Variants in TTC7B observed in about 807,000 individuals in gnomAD.
TTC7B encodes the protein tetratricopeptide repeat protein 7B.
A neutral mutation model predicts 106.8 loss-of-function variants in TTC7B; 28 were observed. The observed-to-expected ratio is 0.26, with a 90% confidence interval of 0.19 to 0.36. TTC7B has a LOEUF of 0.36. Ranked by LOEUF, TTC7B falls within the 10% of genes least tolerant of loss-of-function variation. TTC7B has a pLI of 1.00. For synonymous variants in TTC7B, 405 were observed against 430.6 expected (o/e 0.94, Z 0.74); for missense variants, 862 against 1,076.4 (o/e 0.80, Z 2.79).
intron 5 of TTC7B, among the ~76,000 whole-genome samples, chr14:90,708,701 T>C (rs1888313056): frequency 6.6e-6 from 1 of 152,224 alleles, no homozygotes; most frequent in Admixed American, 6.5e-5. Flanking sequence ...TAACACAACA[T>C]CCATTCTGTA....
intron 14 of TTC7B, among the ~76,000 whole-genome samples, chr14:90,645,697 C>A (rs1190719714): frequency 1.3e-5 from 2 of 152,274 alleles, no homozygotes; most frequent in Admixed American, 6.5e-5. Context: ...CAGGGATGAC[C>A]AGAGCAACCA....
chr14:90,695,147 TA>T (rs1482055984), intron 6 of TTC7B, among the ~76,000 whole-genome samples: 1 of 135,910 alleles, frequency 7.4e-6, no homozygotes, highest in Non-Finnish European at 1.5e-5. Flanking sequence ...TTATTTTATA[TA>T]AAATAAATAA....
At chr14:90,696,034 A>G (rs1180018864) in intron 5 of TTC7B, among the ~76,000 whole-genome samples, 1 of 152,158 alleles carries the variant, frequency 6.6e-6, no homozygotes, top group African/African-American at 2.4e-5. Flanking sequence ...AACTCCACCA[A>G]GCAACCACTC....
At chr14:90,710,215 T>C (rs1888393730) in intron 5 of TTC7B, among the ~76,000 whole-genome samples, 1 of 152,134 alleles carries the variant, frequency 6.6e-6, no homozygotes, top group Non-Finnish European at 1.5e-5. Context: ...GCTTCAAATC[T>C]TCAGTGGAGG....
intron 15 of TTC7B, among the ~76,000 whole-genome samples, chr14:90,626,549 G>A (rs1178860198): frequency 6.6e-6 from 1 of 152,208 alleles, no homozygotes; most frequent in African/African-American, 2.4e-5. Context: ...AGAGCACTGA[G>A]TAACCATCCC....
At chr14:90,762,128 C>G (rs986241433) in intron 3 of TTC7B, among the ~76,000 whole-genome samples, 5 of 152,184 alleles carry the variant, frequency 3.3e-5, no homozygotes, top group African/African-American at 1.2e-4. Context: ...AGCCCAGAAG[C>G]TGGGGCCATA....
At chr14:90,559,795 G>C (rs1890490537) in intron 19 of TTC7B, among the ~76,000 whole-genome samples, 1 of 152,246 alleles carries the variant, frequency 6.6e-6, no homozygotes. Flanking sequence ...GTGCTGCTAG[G>C]TTGGAATTCA....
At chr14:90,655,490 T>C (rs1885909514) in intron 11 of TTC7B, among the ~76,000 whole-genome samples, 1 of 152,214 alleles carries the variant, frequency 6.6e-6, no homozygotes, top group Non-Finnish European at 1.5e-5. Context: ...ATGTTTTATG[T>C]TTGAGCCTTT....
intron 6 of TTC7B, among the ~76,000 whole-genome samples, chr14:90,694,678 T>TTTTTATTTTATTATACAATATA: frequency 2.2e-5 from 1 of 45,964 alleles, no homozygotes; most frequent in South Asian, 8.1e-4. Flanking sequence ...TATATGTATA[T>TTTTTATTTTATTATACAATATA]TTTTATTTTA....
At chr14:90,741,871 AT>A (rs1484924947) in intron 4 of TTC7B, among the ~76,000 whole-genome samples, 1 of 152,084 alleles carries the variant, frequency 6.6e-6, no homozygotes, top group Non-Finnish European at 1.5e-5. Context: ...AATCTCTCTC[AT>A]TGCTAATATC....
chr14:90,797,934 T>G (rs965293921), intron 1 of TTC7B, among the ~76,000 whole-genome samples: 5 of 152,198 alleles, frequency 3.3e-5, no homozygotes, highest in African/African-American at 1.2e-4. Context: ...GTGGCCTGGC[T>G]GTACGAAAGG....
At chr14:90,666,809 G>T (rs1886428505) in intron 9 of TTC7B, among the ~76,000 whole-genome samples, 1 of 152,228 alleles carries the variant, frequency 6.6e-6, no homozygotes, top group East Asian at 1.9e-4. Flanking sequence ...AGTGAGAGGA[G>T]TAGAGTGGGT....
At chr14:90,785,241 G>A in intron 2 of TTC7B, among the ~76,000 whole-genome samples, 1 of 152,124 alleles carries the variant, frequency 6.6e-6, no homozygotes, top group Non-Finnish European at 1.5e-5. Context: ...TGGCTTCCCG[G>A]GGGGAAGCGT....
At chr14:90,739,577 C>G (rs935192272) in intron 4 of TTC7B, among the ~76,000 whole-genome samples, 1 of 152,218 alleles carries the variant, frequency 6.6e-6, no homozygotes, top group African/African-American at 2.4e-5. Context: ...TTCATGAACA[C>G]GGGAAGTCTA....
intron 5 of TTC7B, among the ~76,000 whole-genome samples, chr14:90,705,235 A>C (rs1888157866): frequency 6.6e-6 from 1 of 152,200 alleles, no homozygotes; most frequent in South Asian, 2.1e-4. Flanking sequence ...GGTCACAGTC[A>C]CTGCCCAGGA....
intron 3 of TTC7B, chr14:90,772,694 G>A (rs75644554): frequency 0.13 from 19,992 of 152,150 alleles, 1,638 homozygotes; most frequent in Non-Finnish European, 0.18. Context: ...CAATAAAGCC[G>A]GGTGCAGTGG....
At chr14:90,773,115 G>A (rs1448495387) in intron 3 of TTC7B, among the ~76,000 whole-genome samples, 5 of 152,234 alleles carry the variant, frequency 3.3e-5, no homozygotes, top group Non-Finnish European at 5.9e-5. Flanking sequence ...GGCCATCACA[G>A]CCACCTGCTG....
chr14:90,610,982 G>T, intron 16 of TTC7B, 143 bp from the exon 17 acceptor site: 1 of 676,702 alleles, frequency 1.5e-6, no homozygotes. Context: ...TATGAAGGAG[G>T]CATCCTGCTT....
At chr14:90,778,129 G>T (rs142242010) in intron 3 of TTC7B, among the ~76,000 whole-genome samples, 37 of 152,230 alleles carry the variant, frequency 2.4e-4, no homozygotes, top group African/African-American at 7.2e-4. Context: ...AGGGCCTGGA[G>T]CCCCCAGGCT....
Sources: gnomAD v4.1 joint callset for allele counts (sites outside exome capture counted in the v4.1 genomes callset) on GRCh38, gnomAD v4.1.1 for gene constraint, MANE v1.5 for transcripts, NCBI Gene and HGNC (gene_info 2026-07-23, HGNC 2026-07-21) for gene names.